The following MSR1 variants were observed in gnomAD, a reference collection of about 807,000 sequenced individuals.
MSR1 encodes macrophage scavenger receptor types I and II.
In MSR1, 53 loss-of-function variants were observed where a neutral mutation model predicts 47.2. The observed-to-expected ratio is 1.12, with a 90% CI of 0.90 to 1.41. The LOEUF is 1.41. Among genes scored for constraint, MSR1 ranks in the 40% most tolerant of loss-of-function variants. The pLI, the probability that MSR1 is intolerant of heterozygous loss-of-function variation, is 0.00. For missense variants in MSR1, 786 were observed against 546.9 expected (o/e 1.44, Z -4.36); for synonymous variants, 239 against 185.6 (o/e 1.29, Z -2.34).
chr8:16,168,781 C>G lies in MSR1; in HGVS notation c.307G>C (p.Asp103His). ...TGAAATCTCATTTCCTCTTCGCTGTCATTTCCTTTTCCCGTGAGACTTTGA... is the reference window on the plus strand; with the variant it reads ...TGAAATCTCATTTCCTCTTCGCTGTGATTTCCTTTTCCCGTGAGACTTTGA... ...ITQSLTGKGN[D>H]SEEEMRFQEV... Residue 103 changes from aspartate to histidine, a missense_variant, in exon 4 of 10, where the codon GAC becomes CAC. Transcript: ENST00000262101. The G allele has an allele frequency of 1.9e-6, 3 of 1,614,098 alleles. No individual in the cohort carries two copies. Among genetic ancestry groups the G allele is most frequent in the Non-Finnish European group, 2.5e-6 (3 of 1,179,992 alleles).
chr8:16,120,574 T>G lies in MSR1; in HGVS notation c.1066A>C (p.Ser356Arg), dbSNP rs144070565. 1.3e-6 allele frequency: 2 copies of G among 1,578,170 alleles called. No individual in the cohort carries two copies. The highest frequency in any genetic ancestry group is 3.2e-5 in the African/African-American group (2 of 62,588). The change falls in exon 9 of 10, where the codon AGC becomes CGC. Residue 356 changes from serine to arginine, a missense_variant. Transcript: ENST00000262101. Reference protein sequence around the residue: ...PFTKVRLVGGSGPHEGRVEIL... With the variant: ...PFTKVRLVGGRGPHEGRVEIL... ...TCCACCCTCCCCTCGTGAGGGCCGC[T>G]CCCACCGACCAGTCGAACTTTCGTA... is the stretch of plus-strand genomic sequence containing the variant.
At chr8:16,110,338 G>T in intron 9 of MSR1, 120 bp from the exon 10 acceptor site, 1 of 1,137,362 alleles carries the variant, frequency 8.8e-7, no homozygotes, top group Non-Finnish European at 1.3e-6. Context: ...TTTTCTGTAT[G>T]CAAGTTCTGT....
At chr8:16,168,395 A>G in intron 4 of MSR1, 63 bp downstream of exon 4, 3 of 1,575,062 alleles carry the variant, frequency 1.9e-6, no homozygotes, top group Non-Finnish European at 2.6e-6. Context: ...TGTACTGCCT[A>G]AGGAGACGAG....
intron 5 of MSR1, among the ~76,000 whole-genome samples, chr8:16,156,676 T>C (rs760262252): frequency 3.7e-4 from 56 of 151,844 alleles, no homozygotes; most frequent in Non-Finnish European, 7.7e-4. Context: ...TAAAGATCTT[T>C]ACCATTTCTT....
intron 6 of MSR1, 124 bp downstream of exon 6, chr8:16,154,940 A>G (rs1191588145): frequency 3.7e-6 from 3 of 802,644 alleles, no homozygotes; most frequent in Non-Finnish European, 6.2e-6. Flanking sequence ...GTGCATACAC[A>G]CACACACACA....
intron 8 of MSR1, among the ~76,000 whole-genome samples, chr8:16,131,381 T>G (rs1728723050): frequency 6.6e-6 from 1 of 151,994 alleles, no homozygotes; most frequent in South Asian, 2.1e-4. Flanking sequence ...TTAGACATTT[T>G]TTGATACATA....
intron 3 of MSR1, among the ~76,000 whole-genome samples, chr8:16,174,031 G>C (rs1169061764): frequency 1.3e-5 from 2 of 152,166 alleles, no homozygotes; most frequent in East Asian, 1.9e-4. Context: ...AGAGTAACTC[G>C]GGTTCGGAAG....
At chr8:16,160,127 T>G (rs979057753) in intron 5 of MSR1, among the ~76,000 whole-genome samples, 1 of 152,020 alleles carries the variant, frequency 6.6e-6, no homozygotes, top group Non-Finnish European at 1.5e-5. Flanking sequence ...AGAGTCTTTA[T>G]GCAATCTAAG....
At chr8:16,143,407 T>A in intron 8 of MSR1, 151 bp downstream of exon 8, 2 of 597,934 alleles carry the variant, frequency 3.3e-6, no homozygotes, top group Non-Finnish European at 6.0e-6. Context: ...CCAATTAGCA[T>A]GCTTATTTGT....
At chr8:16,129,979 G>C (rs1398232648) in intron 8 of MSR1, among the ~76,000 whole-genome samples, 4 of 152,148 alleles carry the variant, frequency 2.6e-5, no homozygotes, top group South Asian at 2.1e-4. Flanking sequence ...ATGGAGGAAA[G>C]GGAAGTGGAG....
chr8:16,186,979 C>A (rs977743691), intron 1 of MSR1, among the ~76,000 whole-genome samples: 13 of 152,024 alleles, frequency 8.6e-5, no homozygotes, highest in Non-Finnish European at 1.6e-4. Flanking sequence ...ATTCTCCACA[C>A]ACTTCCCAGA....
At position 16,167,478 on chromosome 8, in the gene MSR1, G is replaced by C. The variant is rs35572456; in HGVS notation, c.630+980C>G. On this transcript the variant is annotated intron_variant, in intron 4 of 9. Transcript: ENST00000262101. ...GAGAATCACTTGAACCTGGGAGGCA[G>C]AGGTTGCAGTGAGCCATGATCTCAC... Among the ~76,000 whole-genome samples, 601 of 152,318 alleles carry C rather than the reference G, an allele frequency of 3.9e-3. 24 individuals carry two copies. In the East Asian group the frequency reaches 0.097, roughly 25 times the overall value.
chr8:16,181,466 G>A (rs182513485), intron 1 of MSR1, among the ~76,000 whole-genome samples: 168 of 152,206 alleles, frequency 1.1e-3, no homozygotes, highest in African/African-American at 3.9e-3. Flanking sequence ...ATACTATGCA[G>A]CCATAAAAAA....
chr8:16,148,268 A>G (rs73665215), intron 7 of MSR1, among the ~76,000 whole-genome samples: 6,163 of 152,154 alleles, frequency 0.041, 447 homozygotes, highest in African/African-American at 0.14. Flanking sequence ...TAAGAAAAGC[A>G]GCTGTGCTGT....
At chr8:16,146,529 C>T (rs1480842652) in intron 7 of MSR1, among the ~76,000 whole-genome samples, 1 of 152,094 alleles carries the variant, frequency 6.6e-6, no homozygotes, top group Non-Finnish European at 1.5e-5. Context: ...ATCACCCCAC[C>T]CCACAGAATC....
chr8:16,154,960 C>G (rs961477985), intron 6 of MSR1, 104 bp downstream of exon 6: 1 of 936,914 alleles, frequency 1.1e-6, no homozygotes, highest in East Asian at 2.5e-5. Flanking sequence ...ACATACACAT[C>G]CTCTGCAGGA....
chr8:16,179,561 TA>T (rs1380075575), intron 1 of MSR1, among the ~76,000 whole-genome samples: 1 of 152,182 alleles, frequency 6.6e-6, no homozygotes, highest in Admixed American at 6.5e-5. Flanking sequence ...TTGGACTAAA[TA>T]AATATTTCCT....
intron 8 of MSR1, among the ~76,000 whole-genome samples, chr8:16,128,984 C>CATTCT (rs1470346956): frequency 6.6e-6 from 1 of 151,998 alleles, no homozygotes; most frequent in Non-Finnish European, 1.5e-5. Flanking sequence ...TACTGGGTAA[C>CATTCT]AGGATTAAGT....
chr8:16,163,173 G>C (rs1434205790), intron 5 of MSR1, among the ~76,000 whole-genome samples: 1 of 151,826 alleles, frequency 6.6e-6, no homozygotes, highest in African/African-American at 2.4e-5. Context: ...AATTCAGCAA[G>C]AGAAAAATCT....
Sources: gnomAD v4.1 joint callset for allele counts (sites outside exome capture counted in the v4.1 genomes callset) on GRCh38, gnomAD v4.1.1 for gene constraint, MANE v1.5 for transcripts, NCBI Gene and HGNC (gene_info 2026-07-23, HGNC 2026-07-21) for gene names.